The following DYRK1A variants were observed in gnomAD, a reference collection of about 807,000 sequenced individuals.
The protein encoded by DYRK1A is dual specificity tyrosine-phosphorylation-regulated kinase 1A.
In DYRK1A, 9 loss-of-function variants were observed where a neutral mutation model predicts 79.7. The observed-to-expected ratio is 0.11, with a 90% CI of 0.07 to 0.20. DYRK1A has a LOEUF of 0.20. Ranked by LOEUF, DYRK1A falls within the 10% of genes least tolerant of loss-of-function variation. The pLI is 1.00. For synonymous variants in DYRK1A, 349 were observed against 329.7 expected, an observed-to-expected ratio of 1.06 and a Z score of -0.63; for missense variants, 622 against 956.0, an observed-to-expected ratio of 0.65 and a Z score of 4.61.
intron 2 of DYRK1A, among the ~76,000 whole-genome samples, chr21:37,463,208 G>GTGTGTGTGTGTA (rs879270203): frequency 2.5e-3 from 213 of 85,308 alleles, no homozygotes; most frequent in Non-Finnish European, 4.3e-3. Flanking sequence ...TGGCACGTGT[G>GTGTGTGTGTGTA]TGTGTGTGTG....
In DYRK1A at chr21:37,490,353, T is replaced by G. The variant is rs537163064; in HGVS notation, c.816T>G (p.Leu272=). Residue 272 remains leucine, a synonymous_variant, in exon 7 of 12, where the codon CTT becomes CTG. Coordinates refer to ENST00000647188, the MANE Select transcript of DYRK1A (RefSeq NM_001347721.2). ...TGCTTTTCCTTGCGACTCCAGAACTTAGTATCATTCACTGTGATCTAAAAC... is the reference window on the plus strand; with the variant it reads ...TGCTTTTCCTTGCGACTCCAGAACTGAGTATCATTCACTGTGATCTAAAAC... ...TALLFLATPE[L]SIIHCDLKPE... 2.5e-6 allele frequency: 4 copies of G among 1,613,754 alleles called. No individual in the cohort carries two copies. Among genetic ancestry groups the G allele is most frequent in the South Asian group, 1.1e-5 (1 of 91,074 alleles).
At chr21:37,495,589 G>A (rs1163123637) in intron 8 of DYRK1A, among the ~76,000 whole-genome samples, 2 of 151,900 alleles carry the variant, frequency 1.3e-5, no homozygotes, top group East Asian at 1.9e-4. Flanking sequence ...CCGAGATTGC[G>A]CCACCGCACT....
intron 2 of DYRK1A, 91 bp from the exon 3 acceptor site, chr21:37,472,593 A>C: frequency 8.7e-7 from 1 of 1,147,404 alleles, no homozygotes; most frequent in Non-Finnish European, 1.2e-6. Flanking sequence ...GAATATCCTA[A>C]AGTTCTTATT....
At chr21:37,372,972 T>C (rs2049462608) in intron 1 of DYRK1A, among the ~76,000 whole-genome samples, 1 of 152,238 alleles carries the variant, frequency 6.6e-6, no homozygotes, top group South Asian at 2.1e-4. Flanking sequence ...TTTAATATAA[T>C]TGTAAATTTA....
intron 1 of DYRK1A, among the ~76,000 whole-genome samples, chr21:37,383,094 A>G (rs2049691207): frequency 6.6e-6 from 1 of 152,194 alleles, no homozygotes; most frequent in Non-Finnish European, 1.5e-5. Flanking sequence ...TTAGGATGCA[A>G]TCCTGTGGCC....
intron 4 of DYRK1A, among the ~76,000 whole-genome samples, chr21:37,479,552 A>ATT (rs537740777): frequency 1.2e-3 from 84 of 71,276 alleles, no homozygotes; most frequent in African/African-American, 2.4e-3. Context: ...TTCATCTAGT[A>ATT]TTTTTTTTTT....
intron 2 of DYRK1A, among the ~76,000 whole-genome samples, chr21:37,451,787 G>A (rs2051461791): frequency 1.3e-5 from 2 of 152,232 alleles, no homozygotes; most frequent in African/African-American, 4.8e-5. Context: ...TAGGTGACAG[G>A]TAAGTGTTCT....
At chr21:37,448,592 A>AGT (rs2051346412) in intron 2 of DYRK1A, among the ~76,000 whole-genome samples, 1 of 152,238 alleles carries the variant, frequency 6.6e-6, no homozygotes, top group Admixed American at 6.5e-5. Flanking sequence ...TTATATTTCT[A>AGT]GTACAGGTCA....
At chr21:37,383,419 T>C (rs1242292998) in intron 1 of DYRK1A, among the ~76,000 whole-genome samples, 1 of 152,228 alleles carries the variant, frequency 6.6e-6, no homozygotes, top group East Asian at 1.9e-4. Context: ...TACACTTTAA[T>C]AACTTCCTTT....
intron 1 of DYRK1A, among the ~76,000 whole-genome samples, chr21:37,393,227 G>A (rs922833950): frequency 2.0e-5 from 3 of 151,980 alleles, no homozygotes; most frequent in East Asian, 3.9e-4. Flanking sequence ...CATTGATAAA[G>A]AAGTATCCAT....
rs567070708 is a variant in DYRK1A at position 37,427,803 on chromosome 21, GACAAA to G, written c.10+7423_10+7427del. On this transcript the variant is annotated intron_variant, in intron 2 of 11. Transcript: ENST00000647188. ...TTTTAAAATGTTTGCCAATTCAATA[GACAAA>G]ACATAACTCAATATTTACATTTACA... Among the ~76,000 whole-genome samples the G allele has an allele frequency of 2.4e-4, 36 of 152,198 alleles. No homozygotes were observed. In the South Asian group the frequency reaches 7.3e-3, roughly 31 times the overall value.
chr21:37,487,896 A>G (rs78280310), intron 6 of DYRK1A: 1 of 152,252 alleles, frequency 6.6e-6, no homozygotes, highest in East Asian at 1.9e-4. Flanking sequence ...TATAACTTAC[A>G]TGAGGTGACC....
chr21:37,463,617 C>A (rs555236047), intron 2 of DYRK1A, among the ~76,000 whole-genome samples: 1 of 152,182 alleles, frequency 6.6e-6, no homozygotes, highest in African/African-American at 2.4e-5. Context: ...TCAGTTCATT[C>A]CTTTATTGCA....
intron 1 of DYRK1A, among the ~76,000 whole-genome samples, chr21:37,408,344 A>T (rs1458731311): frequency 6.6e-6 from 1 of 152,234 alleles, no homozygotes; most frequent in Admixed American, 6.5e-5. Flanking sequence ...AACTGAAAAC[A>T]TATACAGAAG....
chr21:37,372,321 ACCT>A (rs1241338950), intron 1 of DYRK1A, among the ~76,000 whole-genome samples: 105 of 151,394 alleles, frequency 6.9e-4, no homozygotes, highest in African/African-American at 2.3e-3. Context: ...TGTTAGTGCC[ACCT>A]GTAGTCCAGG....
chr21:37,433,008 T>C (rs1331560324), intron 2 of DYRK1A, among the ~76,000 whole-genome samples: 1 of 148,838 alleles, frequency 6.7e-6, no homozygotes, highest in Non-Finnish European at 1.5e-5. Flanking sequence ...ATTAATTGTA[T>C]ACTTAGAAAA....
intron 1 of DYRK1A, among the ~76,000 whole-genome samples, chr21:37,412,966 G>A (rs1234384542): frequency 6.6e-6 from 1 of 152,166 alleles, no homozygotes; most frequent in Non-Finnish European, 1.5e-5. Context: ...AGGGAAAGAT[G>A]TATAGAGAAA....
At chr21:37,493,959 G>A (rs979206314) in intron 8 of DYRK1A, among the ~76,000 whole-genome samples, 1 of 111,392 alleles carries the variant, frequency 9.0e-6, no homozygotes, top group African/African-American at 3.2e-5. Flanking sequence ...TTTTTTCCCG[G>A]AGATGGAGTC....
chr21:37,493,183 AC>A lies in DYRK1A; in HGVS notation c.1071+21del. The A allele has an allele frequency of 6.4e-6, 10 of 1,565,064 alleles. No individual in the cohort carries two copies. Among genetic ancestry groups the A allele is most frequent in the Non-Finnish European group, 7.9e-6 (9 of 1,145,886 alleles). ...AATGAGGTAAATGATGTATTGCTTTACAAATTCTGTTTTCATAATTTCTTTT... is the reference window on the plus strand; with the variant it reads ...AATGAGGTAAATGATGTATTGCTTTAAAATTCTGTTTTCATAATTTCTTTT... On this transcript the variant is annotated intron_variant, in intron 8 of 11. Coordinates refer to ENST00000647188, the MANE Select transcript of DYRK1A (RefSeq NM_001347721.2).
Sources: gnomAD v4.1 joint callset for allele counts (sites outside exome capture counted in the v4.1 genomes callset) on GRCh38, gnomAD v4.1.1 for gene constraint, MANE v1.5 for transcripts, NCBI Gene and HGNC (gene_info 2026-07-23, HGNC 2026-07-21) for gene names.